Variants in CDH13 observed in about 807,000 individuals in gnomAD.
CDH13 encodes the protein cadherin-13.
Under a neutral mutation model 63.8 loss-of-function variants are expected in CDH13, and 24 were observed. The observed-to-expected ratio is 0.38, with a 90% CI of 0.27 to 0.53. The LOEUF (loss-of-function observed/expected upper bound fraction) is 0.53, where lower values mean the gene tolerates loss of function less well. CDH13 is among the 20% of genes least tolerant of loss of function. The pLI is 0.85. For missense variants in CDH13, 1,049 were observed against 903.1 expected, an observed-to-expected ratio of 1.16 and a Z score of -2.07; for synonymous variants, 503 against 355.3, an observed-to-expected ratio of 1.42 and a Z score of -4.67.
chr16:83,191,292 AC>A (rs1379916056), intron 4 of CDH13, among the ~76,000 whole-genome samples: 1 of 146,208 alleles, frequency 6.8e-6, no homozygotes, highest in Admixed American at 7.1e-5. Context: ...TGTCTAGGCC[AC>A]CTCTACTGCA....
intron 1 of CDH13, among the ~76,000 whole-genome samples, chr16:82,772,117 G>A (rs1191456105): frequency 6.6e-6 from 1 of 152,176 alleles, no homozygotes; most frequent in African/African-American, 2.4e-5. Flanking sequence ...GGAAGAGCTG[G>A]ATGTTAAATT....
intron 7 of CDH13, among the ~76,000 whole-genome samples, chr16:83,511,827 C>G (rs151001502): frequency 6.6e-6 from 1 of 152,224 alleles, no homozygotes; most frequent in East Asian, 1.9e-4. Context: ...GCCCGACACC[C>G]ATAGCACATA....
At chr16:82,693,459 C>G (rs192462307) in intron 1 of CDH13, among the ~76,000 whole-genome samples, 4 of 152,220 alleles carry the variant, frequency 2.6e-5, no homozygotes, top group Non-Finnish European at 4.4e-5. Context: ...CACTTCCCAG[C>G]TTGCGACCTA....
intron 1 of CDH13, among the ~76,000 whole-genome samples, chr16:82,648,469 C>T (rs8048888): frequency 0.033 from 4,959 of 151,992 alleles, 249 homozygotes; most frequent in African/African-American, 0.11. Context: ...TATTACATAA[C>T]CATTAAAGAG....
At chr16:82,815,073 T>C (rs1386252357) in intron 1 of CDH13, among the ~76,000 whole-genome samples, 2 of 152,138 alleles carry the variant, frequency 1.3e-5, no homozygotes, top group African/African-American at 4.8e-5. Flanking sequence ...CATTCATTTC[T>C]TTTTTCTTAT....
chr16:83,014,647 C>T (rs1488219353), intron 2 of CDH13, among the ~76,000 whole-genome samples: 9 of 148,026 alleles, frequency 6.1e-5, no homozygotes, highest in African/African-American at 2.2e-4. Flanking sequence ...AGGAGAATTG[C>T]TTGAACCTGG....
intron 8 of CDH13, among the ~76,000 whole-genome samples, chr16:83,667,567 G>A (rs1914109602): frequency 6.6e-6 from 1 of 152,038 alleles, no homozygotes; most frequent in Non-Finnish European, 1.5e-5. Context: ...CATCCATTAG[G>A]CACCATTATC....
At chr16:83,094,940 ATC>A (rs1210620595) in intron 3 of CDH13, among the ~76,000 whole-genome samples, 13 of 152,222 alleles carry the variant, frequency 8.5e-5, no homozygotes, top group Non-Finnish European at 4.4e-5. Flanking sequence ...GATGATCATC[ATC>A]ATCCTGTGTA....
chr16:83,221,799 T>C (rs1176534972), intron 5 of CDH13, among the ~76,000 whole-genome samples: 2 of 151,988 alleles, frequency 1.3e-5, no homozygotes, highest in Non-Finnish European at 2.9e-5. Context: ...CTCAGATAAC[T>C]GGGAATGTCA....
intron 5 of CDH13, among the ~76,000 whole-genome samples, chr16:83,340,002 C>T (rs2090686625): frequency 6.6e-6 from 1 of 152,200 alleles, no homozygotes; most frequent in Non-Finnish European, 1.5e-5. Flanking sequence ...AAGGCTAAGG[C>T]AATACAGGGC....
At chr16:82,893,101 C>T (rs977588970) in intron 2 of CDH13, among the ~76,000 whole-genome samples, 2 of 152,162 alleles carry the variant, frequency 1.3e-5, no homozygotes, top group Non-Finnish European at 2.9e-5. Flanking sequence ...AACCATGATT[C>T]CTGAATTCCA....
At chr16:83,788,459 C>T (rs2151017517) in intron 13 of CDH13, among the ~76,000 whole-genome samples, 1 of 69,984 alleles carries the variant, frequency 1.4e-5, no homozygotes, top group South Asian at 5.3e-4. Context: ...TATTAGTAAA[C>T]ATTGAATTTT....
intron 1 of CDH13, among the ~76,000 whole-genome samples, chr16:82,840,580 G>T (rs1237792316): frequency 6.6e-6 from 1 of 151,500 alleles, no homozygotes; most frequent in Non-Finnish European, 1.5e-5. Context: ...AGCTACTTGG[G>T]TGGCTGAGGC....
chr16:83,417,610 C>T (rs1245395840), intron 6 of CDH13, among the ~76,000 whole-genome samples: 1 of 152,160 alleles, frequency 6.6e-6, no homozygotes, highest in African/African-American at 2.4e-5. Flanking sequence ...CAAACAAACA[C>T]TTCAGCAGGC....
chr16:83,100,563 G>A (rs2151600385), intron 3 of CDH13, among the ~76,000 whole-genome samples: 1 of 152,306 alleles, frequency 6.6e-6, no homozygotes, highest in Middle Eastern at 3.4e-3. Context: ...CTCCTAGGTG[G>A]AAAACAATGG....
chr16:82,773,806 T>C (rs2035368611), intron 1 of CDH13, among the ~76,000 whole-genome samples: 1 of 140,618 alleles, frequency 7.1e-6, no homozygotes, highest in Admixed American at 7.5e-5. Flanking sequence ...TTTTTTTAAA[T>C]GGAGTTTCAC....
chr16:82,933,756 A>G (rs955513771), intron 2 of CDH13, among the ~76,000 whole-genome samples: 9 of 152,224 alleles, frequency 5.9e-5, no homozygotes, highest in Non-Finnish European at 1.0e-4. Context: ...AAACTGGCCA[A>G]AACATAGGGG....
chr16:82,880,450 C>T (rs1225921802), intron 2 of CDH13, among the ~76,000 whole-genome samples: 2 of 152,138 alleles, frequency 1.3e-5, no homozygotes, highest in Admixed American at 6.5e-5. Context: ...ATACTGAGCA[C>T]ATAGAAAGGT....
At chr16:83,272,111 A>G (rs999821347) in intron 5 of CDH13, among the ~76,000 whole-genome samples, 2 of 152,202 alleles carry the variant, frequency 1.3e-5, no homozygotes, top group African/African-American at 4.8e-5. Context: ...TTATTCCACA[A>G]AAATTTATGG....
Sources: gnomAD v4.1 joint callset for allele counts (sites outside exome capture counted in the v4.1 genomes callset) on GRCh38, gnomAD v4.1.1 for gene constraint, MANE v1.5 for transcripts, NCBI Gene and HGNC (gene_info 2026-07-23, HGNC 2026-07-21) for gene names.